Variants in NUDCD3 observed in about 807,000 individuals in gnomAD.
NUDCD3 encodes the protein NudC domain containing 3.
Under a neutral mutation model 39.7 loss-of-function variants are expected in NUDCD3, and 13 were observed. That is an observed-to-expected ratio of 0.33 (90% confidence interval 0.21 to 0.52). The LOEUF (loss-of-function observed/expected upper bound fraction) is 0.52, where lower values mean the gene tolerates loss of function less well. Ranked by LOEUF, NUDCD3 falls within the 20% of genes least tolerant of loss-of-function variation. The pLI, the probability that NUDCD3 is intolerant of heterozygous loss-of-function variation, is 0.96. For synonymous variants in NUDCD3, 175 were observed against 172.4 expected, an observed-to-expected ratio of 1.02 and a Z score of -0.12; for missense variants, 453 against 458.1, an observed-to-expected ratio of 0.99 and a Z score of 0.10.
intron 4 of NUDCD3, among the ~76,000 whole-genome samples, chr7:44,396,153 G>A (rs1046461922): frequency 6.7e-6 from 1 of 150,020 alleles, no homozygotes. Context: ...CACAGGTGTG[G>A]CTAGCACCAC....
At chr7:44,433,485 C>T (rs1375411298) in intron 2 of NUDCD3, among the ~76,000 whole-genome samples, 3 of 151,708 alleles carry the variant, frequency 2.0e-5, no homozygotes, top group African/African-American at 7.3e-5. Context: ...CATGTGCATG[C>T]AATGTGTGTG....
In NUDCD3 at chr7:44,384,621, T is replaced by C. The variant is rs1202284161; in HGVS notation, c.*1390A>G. 6.6e-6 allele frequency: 1 copy of C among 152,268 alleles called. No individual in the cohort carries two copies. Among genetic ancestry groups the C allele is most frequent in the East Asian group, 1.9e-4 (1 of 5,190 alleles). 9.4% of individuals were successfully genotyped at this position (152,268 alleles called of 1,614,324 possible). A position where few individuals can be genotyped will look rare whatever the true frequency, so the allele number is the denominator to read the frequency against. On this transcript the variant is annotated 3_prime_UTR_variant, in exon 6 of 6. Coordinates refer to ENST00000355451, the MANE Select transcript of NUDCD3 (RefSeq NM_015332.4). The stretch of plus-strand genomic sequence containing the variant: ...ACAACCCAAGTATCCATAGAGAGTG[T>C]GCAGGAGCGGGGACCTTCCCCTGAC...
chr7:44,396,878 A>G (rs570537838), intron 4 of NUDCD3, among the ~76,000 whole-genome samples: 11 of 152,368 alleles, frequency 7.2e-5, no homozygotes, highest in African/African-American at 2.6e-4. Flanking sequence ...CAATGTTCCT[A>G]GGATGGAGTT....
chr7:44,476,218 G>A (rs1483827856), intron 2 of NUDCD3, among the ~76,000 whole-genome samples: 1 of 152,182 alleles, frequency 6.6e-6, no homozygotes, highest in Non-Finnish European at 1.5e-5. Context: ...AGAAGTCTCA[G>A]GCCTGAAGCA....
intron 3 of NUDCD3, among the ~76,000 whole-genome samples, chr7:44,407,234 A>G (rs919216542): frequency 6.6e-6 from 1 of 151,406 alleles, no homozygotes; most frequent in Admixed American, 6.6e-5. Context: ...ATACGGTCCC[A>G]CACTCAAGAG....
Position 44,421,340 on chromosome 7 carries a change from A to AG in NUDCD3, c.642+6230_642+6231insC, listed in dbSNP as rs200770282. 3.4e-3 allele frequency among the ~76,000 whole-genome samples: 517 copies of AG among 151,530 alleles called. 2 individuals are homozygous for AG. The highest frequency in any genetic ancestry group is 6.4e-3 in the Non-Finnish European group (434 of 67,808). ...AGAGCAAGACTCCGTCTAAAAAAAAAAAAAAAAAACCACACACAGACTGGC... is the reference window on the plus strand; with the variant it reads ...AGAGCAAGACTCCGTCTAAAAAAAAAGAAAAAAAAACCACACACAGACTGGC... On this transcript the variant is annotated intron_variant, in intron 3 of 5. Transcript: ENST00000355451.
intron 4 of NUDCD3, among the ~76,000 whole-genome samples, chr7:44,403,544 C>T (rs11763402): frequency 0.13 from 19,491 of 152,084 alleles, 1,638 homozygotes; most frequent in Non-Finnish European, 0.19. Context: ...CGGTACCTGG[C>T]CTGCATGTCC....
At chr7:44,405,945 T>G (rs1015456714) in intron 3 of NUDCD3, among the ~76,000 whole-genome samples, 8 of 152,118 alleles carry the variant, frequency 5.3e-5, no homozygotes, top group African/African-American at 1.9e-4. Context: ...TACAGGTACG[T>G]GCCACCATGC....
At chr7:44,448,904 G>A (rs969993503) in intron 2 of NUDCD3, among the ~76,000 whole-genome samples, 1 of 152,216 alleles carries the variant, frequency 6.6e-6, no homozygotes, top group Non-Finnish European at 1.5e-5. Context: ...AAGCAAGAAG[G>A]GAAGAAGGTG....
At chr7:44,448,792 A>G (rs996366028) in intron 2 of NUDCD3, among the ~76,000 whole-genome samples, 11 of 152,228 alleles carry the variant, frequency 7.2e-5, no homozygotes, top group South Asian at 6.2e-4. Context: ...GAGAGAGAGA[A>G]AAAAAAACTA....
intron 1 of NUDCD3, 189 bp from the exon 2 acceptor site, chr7:44,485,473 G>A (rs1397104440): frequency 1.7e-5 from 9 of 544,760 alleles, no homozygotes; most frequent in Non-Finnish European, 2.6e-5. Flanking sequence ...TTAACAGGAG[G>A]ATTCCAAAAT....
Position 44,485,049 on chromosome 7 carries a change from G to T in NUDCD3, c.428C>A (p.Ala143Asp), listed in dbSNP as rs770495408. Residue 143 changes from alanine (A) to aspartate (D), a missense_variant, in exon 2 of 6, where the codon GCC becomes GAC. Physicochemically the swap from Ala to Asp is moderately radical, Grantham distance 126. Coordinates refer to ENST00000355451, the MANE Select transcript of NUDCD3 (RefSeq NM_015332.4). ...VQPPGPVKEM[A>D]HGSQEAEAPG... ...AGCTTCTGCCTCCTGTGAACCATGG[G>T]CCATTTCCTTCACAGGGCCTGGAGG... 2.5e-6 allele frequency: 4 copies of T among 1,614,044 alleles called. No individual in the cohort carries two copies. The African/African-American group carries it at 5.3e-5, about 22-fold the overall frequency.
At chr7:44,410,155 A>C (rs1300658763) in intron 3 of NUDCD3, among the ~76,000 whole-genome samples, 1 of 152,202 alleles carries the variant, frequency 6.6e-6, no homozygotes, top group African/African-American at 2.4e-5. Flanking sequence ...TACACCCAAG[A>C]AGCTCAATGA....
chr7:44,385,838 TG>T lies in NUDCD3; in HGVS notation c.*172del. On this transcript the variant is annotated 3_prime_UTR_variant, in exon 6 of 6. Coordinates refer to ENST00000355451, the MANE Select transcript of NUDCD3 (RefSeq NM_015332.4). ...ATAGCAGCTGGCCCCGCACCTTCTC[TG>T]GAACAGTCTGGAGATGCAAGGTCAG... The T allele has an allele frequency of 3.4e-6, 2 of 595,840 alleles. No individual in the cohort carries two copies. The allele number at this position is 595,840 out of a possible 1,614,324, so 36.9% of individuals were successfully genotyped here. A position where few individuals can be genotyped will look rare whatever the true frequency, so the allele number is the denominator to read the frequency against.
chr7:44,487,022 G>A (rs1046585164), intron 1 of NUDCD3, among the ~76,000 whole-genome samples: 1 of 152,202 alleles, frequency 6.6e-6, no homozygotes, highest in African/African-American at 2.4e-5. Flanking sequence ...TAAGGAACAG[G>A]ATGTAGCTAG....
chr7:44,452,819 T>G (rs1017507281), intron 2 of NUDCD3, among the ~76,000 whole-genome samples: 25 of 152,112 alleles, frequency 1.6e-4, no homozygotes, highest in African/African-American at 5.8e-4. Flanking sequence ...ACACAAAAGG[T>G]TGATATCACT....
intron 2 of NUDCD3, among the ~76,000 whole-genome samples, chr7:44,435,798 T>C (rs1799452766): frequency 6.6e-6 from 1 of 152,140 alleles, no homozygotes; most frequent in African/African-American, 2.4e-5. Context: ...ACACATGCCA[T>C]GTACCTCCTG....
Position 44,385,986 on chromosome 7 carries a change from C to A in NUDCD3, c.*25G>T, listed in dbSNP as rs767605545. On this transcript the variant is annotated 3_prime_UTR_variant, in exon 6 of 6. Transcript: ENST00000355451. ...GGATAAGGCTCTGCCTCCCCACCGG[C>A]GAGGGTTTCCTTTCCTTCTGGTCAT... 10 of 1,195,096 alleles carry A rather than the reference C, an allele frequency of 8.4e-6. No individual in the cohort carries two copies. Among genetic ancestry groups the A allele is most frequent in the Non-Finnish European group, 1.3e-6 (1 of 798,312 alleles). 74.0% of individuals were successfully genotyped at this position (1,195,096 alleles called of 1,614,324 possible).
chr7:44,455,419 T>C (rs1265154474), intron 2 of NUDCD3, among the ~76,000 whole-genome samples: 3 of 152,132 alleles, frequency 2.0e-5, no homozygotes, highest in African/African-American at 7.2e-5. Flanking sequence ...TTCCCATCAC[T>C]GCACATCTCC....
Sources: allele counts gnomAD v4.1 joint callset (sites outside exome capture counted in the v4.1 genomes callset), GRCh38; gene constraint gnomAD v4.1.1; transcripts MANE v1.5; gene names NCBI Gene and HGNC (gene_info 2026-07-23, HGNC 2026-07-21).